CDC20B: variants seen among roughly 807,000 people sequenced by gnomAD.
CDC20B encodes cell division cycle protein 20 homolog B.
Under a neutral mutation model 64.1 loss-of-function variants are expected in CDC20B, and 58 were observed. That is an observed-to-expected ratio of 0.90 (90% CI 0.73 to 1.13). CDC20B has a LOEUF of 1.13. Among genes scored for constraint, CDC20B ranks in the 50% most tolerant of loss-of-function variants. CDC20B has a pLI of 0.00. For synonymous variants in CDC20B, 243 were observed against 230.6 expected (o/e 1.05, Z -0.49); for missense variants, 597 against 633.0 (o/e 0.94, Z 0.61).
intron 5 of CDC20B, 125 bp downstream of exon 5, chr5:55,140,189 T>C: frequency 1.9e-6 from 1 of 533,388 alleles, no homozygotes; most frequent in Admixed American, 3.8e-5. Context: ...GAATTATTCA[T>C]ATTTTACAAT....
chr5:55,160,966 C>A, intron 2 of CDC20B: 4 of 1,581,236 alleles, frequency 2.5e-6, no homozygotes, highest in Non-Finnish European at 3.4e-6. Context: ...CTTCACTTTC[C>A]GGTTGGATTT....
intron 11 of CDC20B, 78 bp downstream of exon 11, chr5:55,119,723 T>A (rs1320718957): frequency 1.1e-6 from 1 of 894,296 alleles, no homozygotes; most frequent in Non-Finnish European, 1.8e-6. Flanking sequence ...GGATAAAATC[T>A]TTCATTCAGG....
At chr5:55,147,924 A>G (rs1743543104) in intron 2 of CDC20B, among the ~76,000 whole-genome samples, 1 of 152,198 alleles carries the variant, frequency 6.6e-6, no homozygotes, top group South Asian at 2.1e-4. Context: ...TTTGCTCAAC[A>G]TCTGTCCATC....
intron 9 of CDC20B, among the ~76,000 whole-genome samples, chr5:55,122,405 G>A (rs1742780342): frequency 1.3e-5 from 2 of 151,986 alleles, no homozygotes; most frequent in African/African-American, 4.8e-5. Context: ...CCAAAGTGCT[G>A]GGATTACAGG....
intron 3 of CDC20B, among the ~76,000 whole-genome samples, chr5:55,144,772 A>C (rs1172591862): frequency 1.3e-5 from 2 of 152,212 alleles, no homozygotes; most frequent in East Asian, 3.9e-4. Flanking sequence ...AGTTATATAC[A>C]AAGAGGTCAG....
chr5:55,151,009 G>T (rs1743649182), intron 2 of CDC20B, among the ~76,000 whole-genome samples: 1 of 152,274 alleles, frequency 6.6e-6, no homozygotes, highest in Non-Finnish European at 1.5e-5. Context: ...GCCCCCAAAA[G>T]TGCTAGGATT....
In CDC20B at chr5:55,128,453, G is replaced by A. The variant is rs1339442165; in HGVS notation, c.862C>T (p.Leu288=). The stretch of plus-strand genomic sequence containing the variant: ...TCTCCCTCGCTGGTGCCAACTGCCA[G>A]GCAAGTTCCCTCTTTTATCCAGGAC... ...SVSWIKEGTC[L]AVGTSEGEVQ... Residue 288 remains leucine (L), a synonymous_variant, in exon 7 of 12, where the codon CTG becomes TTG. Transcript: ENST00000381375. The A allele has an allele frequency of 1.9e-6, 3 of 1,605,580 alleles. No individual in the cohort carries two copies. Among genetic ancestry groups the A allele is most frequent in the Non-Finnish European group, 2.5e-6 (3 of 1,177,790 alleles).
Position 55,173,125 on chromosome 5 carries a change from C to T in CDC20B, c.-125G>A. ...CCCCTGGAGTCCCGTCCCCCAGGACCATTCTATTTCACCACCTCCCTCCAG... is the reference window on the plus strand; with the variant it reads ...CCCCTGGAGTCCCGTCCCCCAGGACTATTCTATTTCACCACCTCCCTCCAG... On this transcript the variant is annotated 5_prime_UTR_variant, in exon 1 of 12. The change abolishes an upstream ATG in the 5' untranslated region. Coordinates refer to ENST00000381375, the MANE Select transcript of CDC20B (RefSeq NM_001170402.1). 1.4e-6 allele frequency: 1 copy of T among 735,396 alleles called. No homozygotes were observed. The highest frequency in any genetic ancestry group is 2.3e-6 in the Non-Finnish European group (1 of 437,708). The allele number at this position is 735,396 out of a possible 1,614,324, so 45.6% of individuals were successfully genotyped here. A position where few individuals can be genotyped will look rare whatever the true frequency, so the allele number is the denominator to read the frequency against.
chr5:55,171,255 G>A (rs964515045), intron 2 of CDC20B, among the ~76,000 whole-genome samples: 1 of 152,222 alleles, frequency 6.6e-6, no homozygotes, highest in African/African-American at 2.4e-5. Context: ...GGAGTTTGCA[G>A]TGAGCCGAGA....
At chr5:55,154,724 G>A (rs1743762828) in intron 2 of CDC20B, among the ~76,000 whole-genome samples, 1 of 152,108 alleles carries the variant, frequency 6.6e-6, no homozygotes, top group African/African-American at 2.4e-5. Context: ...CTGCACTAGG[G>A]ACATATGGTT....
intron 11 of CDC20B, among the ~76,000 whole-genome samples, chr5:55,118,411 G>C (rs972351781): frequency 1.3e-5 from 2 of 152,092 alleles, no homozygotes; most frequent in African/African-American, 4.8e-5. Flanking sequence ...GAAAAAACTC[G>C]CAAGGAGTTA....
chr5:55,151,374 G>A (rs1009656925), intron 2 of CDC20B, among the ~76,000 whole-genome samples: 1 of 152,152 alleles, frequency 6.6e-6, no homozygotes, highest in African/African-American at 2.4e-5. Flanking sequence ...CTATGTCCAG[G>A]TAGCCCTTAC....
In CDC20B at chr5:55,146,716, G is replaced by A. The variant is rs1743488478; in HGVS notation, c.267C>T (p.Ser89=). ...QSQTRALSSD[S]FGEEQSTTYL... ...AGGTGGTTGACTGCTCTTCCCCAAA[G>A]GAATCAGAGGACAGAGCCCTAGTTT... The change falls in exon 3 of 12, where the codon TCC becomes TCT. Residue 89 remains serine (S), a synonymous_variant. Transcript: ENST00000381375. 6.2e-7 allele frequency: 1 copy of A among 1,614,036 alleles called. No individual in the cohort carries two copies. Among genetic ancestry groups the A allele is most frequent in the African/African-American group, 1.3e-5 (1 of 74,918 alleles).
intron 9 of CDC20B, among the ~76,000 whole-genome samples, chr5:55,122,750 G>A (rs1742788580): frequency 6.6e-6 from 1 of 152,182 alleles, no homozygotes; most frequent in Non-Finnish European, 1.5e-5. Flanking sequence ...CATGTTGTGA[G>A]GAAACCCAAA....
chr5:55,120,596 G>A, intron 9 of CDC20B, 46 bp from the exon 10 acceptor site: 1 of 1,605,024 alleles, frequency 6.2e-7, no homozygotes, highest in Non-Finnish European at 8.5e-7. Flanking sequence ...CTTCAAAGGA[G>A]GTGCACTCAT....
At chr5:55,154,950 G>A (rs1459810421) in intron 2 of CDC20B, among the ~76,000 whole-genome samples, 1 of 152,176 alleles carries the variant, frequency 6.6e-6, no homozygotes, top group Non-Finnish European at 1.5e-5. Context: ...TGACTGCAGT[G>A]AAGGAAACAC....
chr5:55,137,683 A>G (rs1743220197), intron 5 of CDC20B: 1 of 456,508 alleles, frequency 2.2e-6, no homozygotes, highest in Non-Finnish European at 4.4e-6. Flanking sequence ...AGTTGGAGGA[A>G]TGGCCATGTA....
At chr5:55,172,333 G>A (rs1744627950) in intron 2 of CDC20B, 1 of 429,386 alleles carries the variant, frequency 2.3e-6, no homozygotes, top group African/African-American at 2.1e-5. Flanking sequence ...GCAATACACT[G>A]CCTACCTGAC....
chr5:55,128,554 T>C lies in CDC20B; in HGVS notation c.761A>G (p.Tyr254Cys). 1 of 1,607,068 alleles carries C rather than the reference T, an allele frequency of 6.2e-7. No homozygotes were observed. The highest frequency in any genetic ancestry group is 8.5e-7 in the Non-Finnish European group (1 of 1,178,526). Reference protein sequence around the residue: ...LVAIALGSAVYIWNGENHNGI... With the variant: ...LVAIALGSAVCIWNGENHNGI... ...ATTGTGGTTCTCCCCATTCCAGATG[T>C]ATACAGCAGAGCCCAGGGCTATGGC... The change falls in exon 7 of 12, where the codon TAC (tyrosine) becomes TGC (cysteine). Residue 254 changes from tyrosine (Y) to cysteine (C), a missense_variant. Around this residue, in one of 3 missense-constraint regions of CDC20B, gnomAD observed 353 missense variants for 397.0 expected, o/e 0.89. Coordinates refer to ENST00000381375, the MANE Select transcript of CDC20B (RefSeq NM_001170402.1).
Sources: gnomAD v4.1 joint callset for allele counts (sites outside exome capture counted in the v4.1 genomes callset) on GRCh38, gnomAD v4.1.1 for gene constraint, gnomAD v4.1.1 regional missense constraint, MANE v1.5 for transcripts, NCBI Gene and HGNC (gene_info 2026-07-23, HGNC 2026-07-21) for gene names.